ST8SIA2: variants seen among roughly 807,000 people sequenced by gnomAD.
ST8SIA2 encodes the protein alpha-2,8-sialyltransferase 8B.
In ST8SIA2, 22 loss-of-function variants were observed where a neutral mutation model predicts 37.6. The observed-to-expected ratio is 0.58, with a 90% CI of 0.42 to 0.83. The LOEUF (loss-of-function observed/expected upper bound fraction) is 0.83, where lower values mean the gene tolerates loss of function less well. Among genes scored for constraint, ST8SIA2 ranks in the 40% least tolerant of loss-of-function variants. The pLI, the probability that ST8SIA2 is intolerant of heterozygous loss-of-function variation, is 0.00. For missense variants in ST8SIA2, 382 were observed against 484.7 expected, an observed-to-expected ratio of 0.79 and a Z score of 1.99; for synonymous variants, 205 against 201.2, an observed-to-expected ratio of 1.02 and a Z score of -0.16.
At chr15:92,407,518 C>T (rs747706266) in intron 1 of ST8SIA2, among the ~76,000 whole-genome samples, 1 of 152,210 alleles carries the variant, frequency 6.6e-6, no homozygotes, top group Non-Finnish European at 1.5e-5. Flanking sequence ...ATCTTTCACA[C>T]AGCACAGGGC....
chr15:92,400,776 C>T (rs1009448812), intron 1 of ST8SIA2, among the ~76,000 whole-genome samples: 6 of 152,142 alleles, frequency 3.9e-5, no homozygotes, highest in African/African-American at 1.2e-4. Context: ...GAAGGACAGC[C>T]GGCCCCGTCT....
intron 5 of ST8SIA2, among the ~76,000 whole-genome samples, chr15:92,453,678 AGAGAGGGGCCAC>A (rs2049899183): frequency 6.6e-6 from 1 of 152,232 alleles, no homozygotes; most frequent in Admixed American, 6.5e-5. Flanking sequence ...GTGCCAGGCC[AGAGAGGGGCCAC>A]AGTGGCAGAG....
rs2049829469 is a variant in ST8SIA2, at chr15:92,444,821, C to T, written c.734C>T (p.Ala245Val). ...GSILWIPAFM[A>V]RGGKERVEWV... ...ATCCTGTGGATCCCTGCCTTCATGG[C>T]CCGGGGCGGCAAGGAGCGTGTTGAG... The change falls in exon 5 of 6, where the codon GCC (alanine) becomes GTC (valine). Residue 245 changes from alanine (A) to valine (V), a missense_variant. Ala to Val is a moderately conservative substitution (Grantham distance 64, BLOSUM62 0). Coordinates refer to ENST00000268164, the MANE Select transcript of ST8SIA2 (RefSeq NM_006011.4). 1.9e-6 allele frequency: 3 copies of T among 1,614,100 alleles called. No individual in the cohort carries two copies. The highest frequency in any genetic ancestry group is 2.5e-6 in the Non-Finnish European group (3 of 1,180,042).
intron 3 of ST8SIA2, among the ~76,000 whole-genome samples, chr15:92,435,349 G>A (rs77204205): frequency 0.012 from 1,755 of 152,276 alleles, 32 homozygotes; most frequent in African/African-American, 0.039. Context: ...ATAATTAGGA[G>A]TTCACCAAGC....
At chr15:92,394,836 C>T (rs778821024) in intron 1 of ST8SIA2, among the ~76,000 whole-genome samples, 1 of 152,202 alleles carries the variant, frequency 6.6e-6, no homozygotes, top group East Asian at 1.9e-4. Flanking sequence ...CCCCGGCGAC[C>T]CTGGGTTCCT....
intron 1 of ST8SIA2, among the ~76,000 whole-genome samples, chr15:92,428,017 T>C (rs2049689214): frequency 6.6e-6 from 1 of 152,184 alleles, no homozygotes; most frequent in Non-Finnish European, 1.5e-5. Context: ...AAAAATTAAC[T>C]GTTTCATTCT....
At chr15:92,395,281 C>T (rs992834567) in intron 1 of ST8SIA2, among the ~76,000 whole-genome samples, 1 of 152,244 alleles carries the variant, frequency 6.6e-6, no homozygotes, top group African/African-American at 2.4e-5. Context: ...TCGAGTCCCG[C>T]GCCGCGTGCG....
chr15:92,405,468 T>C (rs756939500), intron 1 of ST8SIA2, among the ~76,000 whole-genome samples: 8 of 152,244 alleles, frequency 5.3e-5, no homozygotes, highest in Non-Finnish European at 8.8e-5. Context: ...ATAGCTAAGA[T>C]GGTAAATTGC....
Position 92,440,755 on chromosome 15 carries a change from A to C in ST8SIA2, c.548+2145A>C, listed in dbSNP as rs555664842. 3.1e-4 allele frequency among the ~76,000 whole-genome samples: 47 copies of C among 152,274 alleles called. No homozygotes were observed. The South Asian group carries it at 9.1e-3, about 30-fold the overall frequency. ...TTCCTCTGGGTTCTTCCCATCTAGG[A>C]GTTTATTCCGTGCCCTGCACTTGGT... is the stretch of plus-strand genomic sequence containing the variant. On this transcript the variant is annotated intron_variant, in intron 4 of 5. Transcript: ENST00000268164.
chr15:92,397,002 G>A (rs922808995), intron 1 of ST8SIA2, among the ~76,000 whole-genome samples: 6 of 152,120 alleles, frequency 3.9e-5, no homozygotes, highest in East Asian at 3.9e-4. Context: ...AACTCACTCC[G>A]GACCTGTGCT....
intron 5 of ST8SIA2, among the ~76,000 whole-genome samples, chr15:92,458,084 A>G (rs1450208552): frequency 6.6e-6 from 1 of 152,190 alleles, no homozygotes; most frequent in African/African-American, 2.4e-5. Flanking sequence ...AGTCAGGATA[A>G]TCAATCCTAG....
intron 5 of ST8SIA2, among the ~76,000 whole-genome samples, chr15:92,458,757 G>A (rs1223031704): frequency 6.6e-6 from 1 of 152,150 alleles, no homozygotes; most frequent in Non-Finnish European, 1.5e-5. Context: ...CAGAGACAGG[G>A]CAAAAGTGCA....
chr15:92,462,809 G>C (rs1331279392), intron 5 of ST8SIA2, among the ~76,000 whole-genome samples: 1 of 152,210 alleles, frequency 6.6e-6, no homozygotes, highest in Non-Finnish European at 1.5e-5. Context: ...TGCCTTTTAA[G>C]GGATTCAGCC....
At chr15:92,394,242 C>G in intron 1 of ST8SIA2, 80 bp downstream of exon 1, 2 of 1,240,926 alleles carry the variant, frequency 1.6e-6, no homozygotes, top group South Asian at 1.3e-5. Flanking sequence ...CCTCCGACCC[C>G]CTTTGTGTGC....
Position 92,464,395 on chromosome 15 carries a change from C to T in ST8SIA2, c.*10C>T. The T allele has an allele frequency of 6.2e-7, 1 of 1,613,010 alleles. No individual in the cohort carries two copies. Among genetic ancestry groups the T allele is most frequent in the Admixed American group, 1.7e-5 (1 of 60,030 alleles). On this transcript the variant is annotated 3_prime_UTR_variant, in exon 6 of 6. Coordinates refer to ENST00000268164, the MANE Select transcript of ST8SIA2 (RefSeq NM_006011.4). ...CGATGGGGCCACGTAGGGTGGGCAC[C>T]CCATGGGACTCAGTGGCTCACATTT...
intron 1 of ST8SIA2, among the ~76,000 whole-genome samples, chr15:92,423,832 C>A (rs1311026916): frequency 6.6e-6 from 1 of 152,216 alleles, no homozygotes; most frequent in Non-Finnish European, 1.5e-5. Flanking sequence ...TCAAGCATAG[C>A]AGATGGTAAA....
chr15:92,397,349 T>C (rs1309477691), intron 1 of ST8SIA2, among the ~76,000 whole-genome samples: 1 of 152,158 alleles, frequency 6.6e-6, no homozygotes, highest in Non-Finnish European at 1.5e-5. Context: ...ACATCATGAA[T>C]TGAGGGGCAG....
chr15:92,438,048 G>C (rs531550531), intron 3 of ST8SIA2, among the ~76,000 whole-genome samples: 60 of 152,254 alleles, frequency 3.9e-4, no homozygotes, highest in African/African-American at 1.3e-3. Context: ...CTTCCTTCTG[G>C]GGCCCGCTGT....
At chr15:92,435,131 G>A (rs970066009) in intron 3 of ST8SIA2, among the ~76,000 whole-genome samples, 5 of 152,188 alleles carry the variant, frequency 3.3e-5, no homozygotes, top group Non-Finnish European at 7.4e-5. Context: ...GGGGCCCCAG[G>A]AGTGCTAGCA....
Sources: allele counts gnomAD v4.1 joint callset (sites outside exome capture counted in the v4.1 genomes callset), GRCh38; gene constraint gnomAD v4.1.1; transcripts MANE v1.5; gene names NCBI Gene and HGNC (gene_info 2026-07-23, HGNC 2026-07-21).